The following LGR6 variants were observed in gnomAD, a reference collection of about 807,000 sequenced individuals.
The protein encoded by LGR6 is leucine-rich repeat-containing G protein-coupled receptor 6.
A neutral mutation model predicts 69.4 loss-of-function variants in LGR6; 45 were observed. The observed-to-expected ratio is 0.65, with a 90% CI of 0.51 to 0.83. The LOEUF (loss-of-function observed/expected upper bound fraction) is 0.83, where lower values mean the gene tolerates loss of function less well. Ranked by LOEUF, LGR6 falls within the 40% of genes least tolerant of loss-of-function variation. The probability of loss-of-function intolerance (pLI) is 0.00; values close to 1 mark genes in which losing one functional copy is unlikely to be tolerated. For missense variants in LGR6, 1,108 were observed against 1,246.7 expected (o/e 0.89, Z 1.68); for synonymous variants, 538 against 555.0 (o/e 0.97, Z 0.43).
intron 4 of LGR6, among the ~76,000 whole-genome samples, chr1:202,264,870 G>A (rs1664520576): frequency 1.3e-5 from 2 of 152,120 alleles, no homozygotes; most frequent in Admixed American, 6.5e-5. Flanking sequence ...CCACCCCAGG[G>A]GTTCTTGCAC....
At chr1:202,204,372 C>T (rs1297634626) in intron 1 of LGR6, among the ~76,000 whole-genome samples, 1 of 105,204 alleles carries the variant, frequency 9.5e-6, no homozygotes, top group East Asian at 2.7e-4. Flanking sequence ...ACACACACAC[C>T]TCCACACACA....
rs1264307750 is a variant in LGR6 at position 202,270,246 on chromosome 1, TG to T, written c.429-6059del. On this transcript the variant is annotated intron_variant, in intron 4 of 17. Transcript: ENST00000367278. ...TTTGTTTTGTTTTTGTTTTTGCTTT[TG>T]TTTTTTTTTTTTGAGACAGAGTTTT... Among the ~76,000 whole-genome samples, 16 of 148,594 alleles carry T rather than the reference TG, an allele frequency of 1.1e-4. No individual in the cohort carries two copies. In the South Asian group the frequency reaches 3.2e-3, roughly 30 times the overall value.
chr1:202,276,207 T>G, intron 4 of LGR6, 99 bp from the exon 5 acceptor site: 1 of 929,214 alleles, frequency 1.1e-6, no homozygotes, highest in Non-Finnish European at 1.7e-6. Flanking sequence ...CCAGGGAGCC[T>G]CAAAGGCCCT....
intron 12 of LGR6, among the ~76,000 whole-genome samples, chr1:202,306,078 A>T (rs932253768): frequency 4.6e-5 from 7 of 152,262 alleles, no homozygotes; most frequent in African/African-American, 1.4e-4. Context: ...GCCCAGTGGG[A>T]TGGACCGGAG....
chr1:202,234,664 A>G (rs994243110), intron 3 of LGR6, among the ~76,000 whole-genome samples: 27 of 152,220 alleles, frequency 1.8e-4, no homozygotes, highest in African/African-American at 6.0e-4. Flanking sequence ...CATGAGGATG[A>G]TAATAATCCC....
intron 16 of LGR6, 84 bp from the exon 17 acceptor site, chr1:202,314,718 T>A (rs1572026508): frequency 1.1e-6 from 1 of 943,038 alleles, no homozygotes; most frequent in East Asian, 2.4e-5. Flanking sequence ...AAGGGACATC[T>A]TAAAGGAGGG....
intron 6 of LGR6, among the ~76,000 whole-genome samples, chr1:202,282,599 A>G (rs1242987858): frequency 6.6e-6 from 1 of 152,208 alleles, no homozygotes; most frequent in Admixed American, 6.5e-5. Context: ...TGAGCAGGGC[A>G]GGAGGGAGTC....
At position 202,268,990 on chromosome 1, in the gene LGR6, C is replaced by T. The variant is rs983758002; in HGVS notation, c.429-7316C>T. On this transcript the variant is annotated intron_variant, in intron 4 of 17. Coordinates refer to ENST00000367278, the MANE Select transcript of LGR6 (RefSeq NM_001017403.2). The surrounding 1 kb of genome is among the most constrained non-coding windows in gnomAD (Gnocchi z 4.4). ...GTGTGAACACAGCTCACTGCAGCCT[C>T]GACTTCTGGGATCAAAAGATCCTCC... 6.6e-6 allele frequency among the ~76,000 whole-genome samples: 1 copy of T among 152,114 alleles called. No homozygotes were observed. Among genetic ancestry groups the T allele is most frequent in the Non-Finnish European group, 1.5e-5 (1 of 68,006 alleles).
chr1:202,251,484 G>A (rs1428227404), intron 4 of LGR6, among the ~76,000 whole-genome samples: 1 of 152,168 alleles, frequency 6.6e-6, no homozygotes, highest in African/African-American at 2.4e-5. Flanking sequence ...CATTTCCAGA[G>A]CTCCAGGTTG....
intron 1 of LGR6, among the ~76,000 whole-genome samples, chr1:202,204,384 A>ACG (rs1658965732): frequency 9.1e-6 from 1 of 109,546 alleles, no homozygotes. Flanking sequence ...CCACACACAC[A>ACG]CCTCCACACA....
At position 202,227,949 on chromosome 1, in the gene LGR6, A is replaced by C; in HGVS notation, c.298A>C (p.Asn100His). 6.2e-7 allele frequency: 1 copy of C among 1,613,844 alleles called. No individual in the cohort carries two copies. The highest frequency in any genetic ancestry group is 2.2e-5 in the East Asian group (1 of 44,874). Residue 100 changes from asparagine to histidine, a missense_variant, in exon 3 of 18, where the codon AAC (asparagine) becomes CAC (histidine). By Grantham distance (68) the Asn-to-His change is moderately conservative (BLOSUM62 1). Transcript: ENST00000367278. ...TCTGATTTCCAGGCGTCTCTCTGGG[A>C]ACCATCTCTCACACATCCCAGGACA... ...RFLEELRLSG[N>H]HLSHIPGQAF... is the part of the protein sequence containing the mutation.
chr1:202,306,654 ATGGT>A (rs1653220282), intron 12 of LGR6: 1 of 608,534 alleles, frequency 1.6e-6, no homozygotes, highest in African/African-American at 1.9e-5. Context: ...GGCCACAGGG[ATGGT>A]TTTGTGGCTT....
At chr1:202,274,710 C>T (rs1015276056) in intron 4 of LGR6, among the ~76,000 whole-genome samples, 6 of 152,274 alleles carry the variant, frequency 3.9e-5, no homozygotes, top group African/African-American at 9.6e-5. Context: ...TGGGAGTCCA[C>T]ATTAACACAA....
chr1:202,313,457 T>C (rs1478707869), intron 16 of LGR6, among the ~76,000 whole-genome samples: 1 of 151,830 alleles, frequency 6.6e-6, no homozygotes, highest in Non-Finnish European at 1.5e-5. Flanking sequence ...AGCATGATGG[T>C]TAAACATCTG....
chr1:202,295,515 C>T (rs1006055752), intron 6 of LGR6, among the ~76,000 whole-genome samples: 3 of 152,068 alleles, frequency 2.0e-5, no homozygotes, highest in Non-Finnish European at 2.9e-5. Flanking sequence ...AAAAGAGAGG[C>T]CATTGCTTTC....
At chr1:202,225,364 A>C (rs1348667495) in intron 1 of LGR6, 59 bp from the exon 2 acceptor site, 5 of 1,493,062 alleles carry the variant, frequency 3.3e-6, no homozygotes, top group Admixed American at 1.7e-5. Context: ...GCACCTGGAC[A>C]GTGCCAGATG....
At chr1:202,195,046 G>A (rs957938646) in intron 1 of LGR6, among the ~76,000 whole-genome samples, 1 of 152,306 alleles carries the variant, frequency 6.6e-6, no homozygotes, top group Admixed American at 6.5e-5. Context: ...GGCAGGAGGA[G>A]GGTGAGAGAG....
chr1:202,239,401 G>A (rs1395309385), intron 4 of LGR6, among the ~76,000 whole-genome samples: 5 of 151,564 alleles, frequency 3.3e-5, no homozygotes, highest in African/African-American at 9.7e-5. Flanking sequence ...TTGGGGGACT[G>A]GTGGGAAGGG....
Position 202,318,759 on chromosome 1 carries a change from C to T in LGR6, c.2456C>T (p.Pro819Leu), listed in dbSNP as rs1471181006. 21 of 1,613,680 alleles carry T rather than the reference C, an allele frequency of 1.3e-5. No homozygotes were observed. The highest frequency in any genetic ancestry group is 1.7e-5 in the Non-Finnish European group (20 of 1,180,020). ...GTCCTGCTGGTGGTGCTGCCCCTGCCTGCCTGCCTCAACCCACTGCTGTAC... is the reference window on the plus strand; with the variant it reads ...GTCCTGCTGGTGGTGCTGCCCCTGCTTGCCTGCCTCAACCCACTGCTGTAC... ...KSVLLVVLPL[P>L]ACLNPLLYLL... The change falls in exon 18 of 18, where the codon CCT becomes CTT. Residue 819 changes from proline (P) to leucine (L), a missense_variant. Pro to Leu is a moderately conservative substitution (Grantham distance 98). Transcript: ENST00000367278.
Sources: allele counts gnomAD v4.1 joint callset (sites outside exome capture counted in the v4.1 genomes callset), GRCh38; gene constraint gnomAD v4.1.1; non-coding constraint Gnocchi (gnomAD v3.1); transcripts MANE v1.5; gene names NCBI Gene and HGNC (gene_info 2026-07-23, HGNC 2026-07-21).